POFUT3: variants seen among roughly 807,000 people sequenced by gnomAD.
POFUT3 encodes the protein protein O-fucosyltransferase 3.
At chr8:33,321,033 A>G in the POFUT3 span, among the ~76,000 whole-genome samples, 3 of 151,982 alleles carry the variant, frequency 2.0e-5, 1 homozygote, top group East Asian at 1.9e-4. Context: ...ACCTGCTACT[A>G]ATGATTCATA....
At chr8:33,382,655 G>C in the POFUT3 span, among the ~76,000 whole-genome samples, 1 of 152,174 alleles carries the variant, frequency 6.6e-6, no homozygotes, top group Non-Finnish European at 1.5e-5. Context: ...TGCCAGTTTT[G>C]TAGGAGGCAA....
the POFUT3 span, among the ~76,000 whole-genome samples, chr8:33,400,543 A>C: frequency 3.3e-5 from 5 of 152,266 alleles, no homozygotes; most frequent in East Asian, 9.7e-4. Context: ...TAAAGGAAGA[A>C]AGGAAGGGAG....
At chr8:33,409,813 G>C in the POFUT3 span, among the ~76,000 whole-genome samples, 6 of 152,232 alleles carry the variant, frequency 3.9e-5, no homozygotes, top group South Asian at 4.1e-4. Context: ...GCTGAGGCAG[G>C]AGAATGGCGT....
the POFUT3 span, among the ~76,000 whole-genome samples, chr8:33,469,158 T>C: frequency 6.6e-6 from 1 of 151,860 alleles, no homozygotes; most frequent in Admixed American, 6.6e-5. Flanking sequence ...ATACAAAAAT[T>C]AGCTGGGTGT....
the POFUT3 span, among the ~76,000 whole-genome samples, chr8:33,375,037 T>C: frequency 6.6e-6 from 1 of 151,886 alleles, no homozygotes; most frequent in Non-Finnish European, 1.5e-5. Flanking sequence ...CCTGCCACTA[T>C]GTCCAGCTAA....
chr8:33,405,980 A>T, the POFUT3 span, among the ~76,000 whole-genome samples: 2 of 152,340 alleles, frequency 1.3e-5, no homozygotes, highest in South Asian at 4.1e-4. Flanking sequence ...TCAGAGACCA[A>T]GTTAGTAGTA....
chr8:33,368,443 A>G, the POFUT3 span, among the ~76,000 whole-genome samples: 1 of 152,182 alleles, frequency 6.6e-6, no homozygotes, highest in Non-Finnish European at 1.5e-5. Flanking sequence ...AAAGGTTAAT[A>G]TGACTTAAAA....
chr8:33,454,077 T>C, the POFUT3 span, among the ~76,000 whole-genome samples: 1 of 152,172 alleles, frequency 6.6e-6, no homozygotes, highest in African/African-American at 2.4e-5. Context: ...TAGTGAACTA[T>C]GATTGCACCA....
the POFUT3 span, among the ~76,000 whole-genome samples, chr8:33,391,167 T>C: frequency 6.6e-6 from 1 of 152,356 alleles, no homozygotes; most frequent in South Asian, 2.1e-4. Context: ...AATTATTTAA[T>C]GCCAGTGTAC....
chr8:33,423,860 C>T, the POFUT3 span, among the ~76,000 whole-genome samples: 22 of 128,124 alleles, frequency 1.7e-4, no homozygotes, highest in East Asian at 2.5e-4. Context: ...CATTACTGGG[C>T]GGGGGCGGTG....
the POFUT3 span, among the ~76,000 whole-genome samples, chr8:33,326,102 A>G: frequency 4.6e-5 from 7 of 152,120 alleles, no homozygotes; most frequent in African/African-American, 1.4e-4. Context: ...TGAGATACAA[A>G]TTACCTCATC....
At chr8:33,407,794 G>A in the POFUT3 span, among the ~76,000 whole-genome samples, 1 of 152,038 alleles carries the variant, frequency 6.6e-6, no homozygotes, top group Non-Finnish European at 1.5e-5. Context: ...CCTGAGGTCA[G>A]GAGTTTGAGA....
the POFUT3 span, among the ~76,000 whole-genome samples, chr8:33,434,176 G>A: frequency 1.1e-4 from 16 of 151,390 alleles, no homozygotes; most frequent in Middle Eastern, 3.5e-3. Flanking sequence ...CAGGAGAATC[G>A]CTTGAACTTG....
chr8:33,344,373 C>T, the POFUT3 span, among the ~76,000 whole-genome samples: 1 of 152,290 alleles, frequency 6.6e-6, no homozygotes, highest in Non-Finnish European at 1.5e-5. Context: ...GCCTTGCTGC[C>T]ACCTCCCTGA....
the POFUT3 span, among the ~76,000 whole-genome samples, chr8:33,462,945 T>TA: frequency 1.6e-4 from 23 of 141,314 alleles, no homozygotes; most frequent in African/African-American, 3.1e-4. Context: ...AAAAAAAAGG[T>TA]AAAAAAAAAA....
the POFUT3 span, among the ~76,000 whole-genome samples, chr8:33,445,598 T>C: frequency 6.6e-6 from 1 of 152,176 alleles, no homozygotes; most frequent in Non-Finnish European, 1.5e-5. Context: ...ACTTGTTCCT[T>C]TTCTGTGTTT....
chr8:33,436,186 G>A, the POFUT3 span: 3 of 1,251,300 alleles, frequency 2.4e-6, no homozygotes, highest in Non-Finnish European at 3.3e-6. Context: ...CTAAGGGACT[G>A]AATGCACCAA....
At chr8:33,442,464 T>C in the POFUT3 span, among the ~76,000 whole-genome samples, 2 of 151,622 alleles carry the variant, frequency 1.3e-5, no homozygotes, top group Non-Finnish European at 2.9e-5. Flanking sequence ...ATTATTTTTT[T>C]AGTTACAGAT....
At chr8:33,466,279 A>G in the POFUT3 span, among the ~76,000 whole-genome samples, 2 of 152,180 alleles carry the variant, frequency 1.3e-5, no homozygotes, top group African/African-American at 4.8e-5. Context: ...TAATTTAAAA[A>G]TTAGCTGGGC....
Sources: gnomAD v4.1 joint callset for allele counts (sites outside exome capture counted in the v4.1 genomes callset) on GRCh38, gnomAD v4.1.1 for gene constraint, MANE v1.5 for transcripts, NCBI Gene and HGNC (gene_info 2026-07-23, HGNC 2026-07-21) for gene names.